Variants in EVL observed in about 807,000 individuals in gnomAD.
EVL encodes Enah/Vasp-like, also known as ena/VASP-like protein.
EVL carries 21 observed loss-of-function variants against 59.6 expected under a neutral mutation model. The observed-to-expected ratio is 0.35, with a 90% CI of 0.25 to 0.51. EVL has a LOEUF of 0.51. Ranked by LOEUF, EVL falls within the 20% of genes least tolerant of loss-of-function variation. The pLI, the probability that EVL is intolerant of heterozygous loss-of-function variation, is 0.97. For missense variants in EVL, 462 were observed against 546.6 expected (o/e 0.85, Z 1.54); for synonymous variants, 198 against 203.5 (o/e 0.97, Z 0.23).
intron 1 of EVL, among the ~76,000 whole-genome samples, chr14:100,004,365 G>A (rs112241890): frequency 0.017 from 2,519 of 152,258 alleles, 73 homozygotes; most frequent in African/African-American, 0.057. Context: ...ATGGCAAGAT[G>A]CAAGAAAGGT....
chr14:100,049,342 A>G (rs1000709711), intron 1 of EVL, among the ~76,000 whole-genome samples: 2 of 152,236 alleles, frequency 1.3e-5, no homozygotes. Flanking sequence ...TTCAAGTTCA[A>G]GGAATTGCCT....
At position 100,038,835 on chromosome 14, in the gene EVL, T is replaced by C. The variant is rs2061427351; in HGVS notation, c.6-45852T>C. 2.8e-5 allele frequency among the ~76,000 whole-genome samples: 4 copies of C among 144,414 alleles called. No homozygotes were observed. The Admixed American group carries it at 2.8e-4, about 10-fold the overall frequency. 94.7% of individuals were successfully genotyped at this position (144,414 alleles called of 152,430 possible). A position where few individuals can be genotyped will look rare whatever the true frequency, so the allele number is the denominator to read the frequency against. On this transcript the variant is annotated intron_variant, in intron 1 of 13. Transcript: ENST00000402714. ...GTAAAGAAAGAATATAACTTTGTAC[T>C]CACAAAGATCAGAAACTAGGGATAC...
chr14:100,103,867 G>T (rs1225916218), intron 3 of EVL, among the ~76,000 whole-genome samples: 1 of 152,184 alleles, frequency 6.6e-6, no homozygotes, highest in Non-Finnish European at 1.5e-5. Context: ...CTGAGGGCAA[G>T]GAGGTATGTG....
chr14:100,108,366 C>G lies in EVL; in HGVS notation c.358+10708C>G, dbSNP rs992965829. ...TAAAGAGAAGGAAGTACTGGACTGTCTTCATCTCCCTGGCTGCCGAGGCCA... is the reference window on the plus strand; with the variant it reads ...TAAAGAGAAGGAAGTACTGGACTGTGTTCATCTCCCTGGCTGCCGAGGCCA... On this transcript the variant is annotated intron_variant, in intron 3 of 13. Transcript: ENST00000392920. The surrounding 1 kb of genome is among the most constrained non-coding windows in gnomAD (Gnocchi z 4.1). Among the ~76,000 whole-genome samples the G allele has an allele frequency of 2.0e-5, 3 of 152,226 alleles. No individual in the cohort carries two copies. The highest frequency in any genetic ancestry group is 2.9e-5 in the Non-Finnish European group (2 of 68,048).
chr14:100,076,150 G>A (rs1263099169), intron 1 of EVL, among the ~76,000 whole-genome samples: 1 of 152,234 alleles, frequency 6.6e-6, no homozygotes, highest in Non-Finnish European at 1.5e-5. Flanking sequence ...TTGAGGAGTA[G>A]CAGAAAAGAC....
At chr14:100,060,889 A>G (rs958995652), upstream of EVL, among the ~76,000 whole-genome samples, 6 of 151,494 alleles carry the variant, frequency 4.0e-5, no homozygotes, top group Admixed American at 1.3e-4. Flanking sequence ...CATTGCATAC[A>G]TTATATGTGA....
intron 3 of EVL, among the ~76,000 whole-genome samples, chr14:100,101,639 G>T (rs531585489): frequency 2.2e-4 from 34 of 152,112 alleles, no homozygotes; most frequent in African/African-American, 7.7e-4. Flanking sequence ...GTGAAACTCC[G>T]TCTCAAAAAA....
chr14:100,065,580 G>T, intron 1 of EVL, 69 bp downstream of exon 1: 1 of 959,880 alleles, frequency 1.0e-6, no homozygotes, highest in South Asian at 2.2e-5. Flanking sequence ...AACGGTGAAT[G>T]GGCTGTAGAA....
chr14:100,086,955 C>T (rs149749975), intron 2 of EVL, among the ~76,000 whole-genome samples: 1 of 152,302 alleles, frequency 6.6e-6, no homozygotes, highest in Non-Finnish European at 1.5e-5. Flanking sequence ...CTTTTAGGGA[C>T]CTCAGTAGAA....
At chr14:100,088,757 C>T (rs558068140) in intron 2 of EVL, among the ~76,000 whole-genome samples, 1 of 152,282 alleles carries the variant, frequency 6.6e-6, no homozygotes, top group East Asian at 1.9e-4. Flanking sequence ...GGCACTCCTA[C>T]ACTCCCCAGA....
At chr14:100,113,110 T>G (rs887634697) in intron 3 of EVL, among the ~76,000 whole-genome samples, 1 of 152,106 alleles carries the variant, frequency 6.6e-6, no homozygotes, top group Admixed American at 6.5e-5. Flanking sequence ...GATCTGAGTC[T>G]TAAAGGGGAT....
chr14:100,141,032 G>A lies in EVL; in HGVS notation c.1095-148G>A, dbSNP rs529662054. ...GGAGACGGGCGTTAAATCCTTCTCA[G>A]GCAGTCTGAGGTGGCCAGAGTCTGA... On this transcript the variant is annotated intron_variant, in intron 11 of 13. Coordinates refer to ENST00000392920, the MANE Select transcript of EVL (RefSeq NM_016337.3). The A allele has an allele frequency of 3.5e-3, 2,240 of 637,144 alleles. 11 individuals are homozygous for A. The highest frequency in any genetic ancestry group is 4.3e-3 in the Non-Finnish European group (1,600 of 374,654). 39.5% of individuals were successfully genotyped at this position (637,144 alleles called of 1,614,324 possible). A position where few individuals can be genotyped will look rare whatever the true frequency, so the allele number is the denominator to read the frequency against.
upstream of EVL, among the ~76,000 whole-genome samples, chr14:100,064,206 G>C (rs1371864450): frequency 2.9e-5 from 3 of 102,004 alleles, no homozygotes; most frequent in Admixed American, 2.4e-4. Flanking sequence ...CTGTACAGCT[G>C]TTTTTCACTA....
intron 13 of EVL, among the ~76,000 whole-genome samples, chr14:100,142,797 C>T (rs1377767593): frequency 6.6e-6 from 1 of 152,222 alleles, no homozygotes; most frequent in Admixed American, 6.5e-5. Context: ...GGCAGGCACT[C>T]AGCCAACTGG....
At chr14:100,107,459 C>T (rs1176015662) in intron 3 of EVL, 1 of 396,594 alleles carries the variant, frequency 2.5e-6, no homozygotes, top group Admixed American at 4.4e-5. Flanking sequence ...AACCAAGACC[C>T]AGTGAGGGGG....
At chr14:100,017,299 C>T (rs1286172146) in intron 1 of EVL, among the ~76,000 whole-genome samples, 1 of 152,180 alleles carries the variant, frequency 6.6e-6, no homozygotes, top group Non-Finnish European at 1.5e-5. Context: ...TCTTGAGTCA[C>T]TGGTGGAGAG....
chr14:100,057,689 T>G (rs2061756210), intron 1 of EVL, among the ~76,000 whole-genome samples: 1 of 152,182 alleles, frequency 6.6e-6, no homozygotes. Context: ...AGTGTAAACT[T>G]TTTAAAGAAA....
At chr14:100,097,384 C>T (rs569175396) in intron 2 of EVL, 97 bp from the exon 3 acceptor site, 1 of 1,064,420 alleles carries the variant, frequency 9.4e-7, no homozygotes, top group East Asian at 2.6e-5. Flanking sequence ...ATCTTCCTGT[C>T]CTCTCAAGGA....
intron 1 of EVL, among the ~76,000 whole-genome samples, chr14:100,065,763 T>C (rs2140270393): frequency 6.6e-6 from 1 of 152,262 alleles, no homozygotes; most frequent in East Asian, 1.9e-4. Flanking sequence ...GGCTTCTGAG[T>C]CAAGGACTTA....
Sources: gnomAD v4.1 joint callset for allele counts (sites outside exome capture counted in the v4.1 genomes callset) on GRCh38, gnomAD v4.1.1 for gene constraint, Gnocchi (gnomAD v3.1) non-coding constraint, MANE v1.5 for transcripts, NCBI Gene and HGNC (gene_info 2026-07-23, HGNC 2026-07-21) for gene names.